The following FIBCD1 variants were observed in gnomAD, a reference collection of about 807,000 sequenced individuals.
The protein encoded by FIBCD1 is fibrinogen C domain containing 1, also known as fibrinogen C domain-containing protein 1.
In FIBCD1, 47 loss-of-function variants were observed where a neutral mutation model predicts 45.1. That is an observed-to-expected ratio of 1.04 (90% confidence interval 0.82 to 1.33). The LOEUF is 1.33. Among genes scored for constraint, FIBCD1 ranks in the 40% most tolerant of loss-of-function variants. FIBCD1 has a pLI of 0.00. For missense variants in FIBCD1, 653 were observed against 682.2 expected (o/e 0.96, Z 0.48); for synonymous variants, 313 against 308.1 (o/e 1.02, Z -0.17).
chr9:130,939,543 A>G (rs1832582101), upstream of FIBCD1, among the ~76,000 whole-genome samples: 1 of 151,640 alleles, frequency 6.6e-6, no homozygotes, highest in Non-Finnish European at 1.5e-5. Flanking sequence ...GCGGTCGGAA[A>G]GCCCACACGA....
intron 4 of FIBCD1, among the ~76,000 whole-genome samples, chr9:130,921,241 C>T (rs562619689): frequency 1.3e-5 from 2 of 152,348 alleles, no homozygotes; most frequent in African/African-American, 2.4e-5. Context: ...GTGGCATTGG[C>T]GCTGAAGGCC....
intron 4 of FIBCD1, among the ~76,000 whole-genome samples, chr9:130,915,279 C>T (rs750235282): frequency 9.9e-5 from 15 of 152,246 alleles, no homozygotes; most frequent in Non-Finnish European, 1.6e-4. Context: ...CCCAGGGCTC[C>T]TCCTTGGTGC....
chr9:130,937,621 G>C (rs1008453212), intron 1 of FIBCD1, among the ~76,000 whole-genome samples: 2 of 152,212 alleles, frequency 1.3e-5, no homozygotes, highest in Non-Finnish European at 2.9e-5. Context: ...CTGTCTGGAA[G>C]AAATTTAAAA....
chr9:130,924,524 G>A (rs1212123566), intron 2 of FIBCD1, 128 bp from the exon 3 acceptor site: 13 of 846,924 alleles, frequency 1.5e-5, no homozygotes, highest in South Asian at 3.8e-5. Context: ...TCAAGGCCCC[G>A]CCCTGCCCTG....
At chr9:130,921,055 G>T (rs949352877) in intron 4 of FIBCD1, among the ~76,000 whole-genome samples, 1 of 152,222 alleles carries the variant, frequency 6.6e-6, no homozygotes, top group Non-Finnish European at 1.5e-5. Context: ...GGGCGCTGGC[G>T]TGATGCCGGG....
rs1240390320 is a variant in FIBCD1 at position 130,922,826 on chromosome 9, T to C, written c.849+918A>G. On this transcript the variant is annotated intron_variant, in intron 4 of 6. Coordinates refer to ENST00000372338, the MANE Select transcript of FIBCD1 (RefSeq NM_032843.5). This position sits in a 1 kb window ranked among gnomAD's most constrained non-coding sequence, Gnocchi z 4.5. Reference sequence around the variant, plus strand: ...CCCTCGGGCCCTGCTCCTCAGATGTTCCCTGGTAGCCGCGTTAGGTTGCCC... The same window carrying C: ...CCCTCGGGCCCTGCTCCTCAGATGTCCCCTGGTAGCCGCGTTAGGTTGCCC... Among the ~76,000 whole-genome samples, 1 of 152,104 alleles carries C rather than the reference T, an allele frequency of 6.6e-6. No homozygotes were observed. Among genetic ancestry groups the C allele is most frequent in the African/African-American group, 2.4e-5 (1 of 41,402 alleles).
At chr9:130,907,180 G>A (rs543362371) in intron 5 of FIBCD1, among the ~76,000 whole-genome samples, 3 of 151,836 alleles carry the variant, frequency 2.0e-5, no homozygotes, top group African/African-American at 7.2e-5. Context: ...GGCACCCAAA[G>A]GCCACCATTA....
At chr9:130,911,303 C>T (rs1311613868) in intron 5 of FIBCD1, among the ~76,000 whole-genome samples, 8 of 134,582 alleles carry the variant, frequency 5.9e-5, no homozygotes, top group Admixed American at 3.0e-4. Context: ...CCACGAGGGT[C>T]TGCAGCTTCA....
intron 1 of FIBCD1, among the ~76,000 whole-genome samples, chr9:130,932,489 T>G (rs1832458047): frequency 6.6e-6 from 1 of 152,190 alleles, no homozygotes; most frequent in Non-Finnish European, 1.5e-5. Context: ...CAGACCCAAA[T>G]GCACAGTTCC....
chr9:130,932,334 G>C (rs1431531035), intron 1 of FIBCD1, among the ~76,000 whole-genome samples: 1 of 152,216 alleles, frequency 6.6e-6, no homozygotes, highest in African/African-American at 2.4e-5. Context: ...AAAGAGATCT[G>C]CTTTGTTGTC....
At position 130,903,903 on chromosome 9, in the gene FIBCD1, T is replaced by C; in HGVS notation, c.*161A>G. On this transcript the variant is annotated 3_prime_UTR_variant, in exon 7 of 7. Coordinates refer to ENST00000372338, the MANE Select transcript of FIBCD1 (RefSeq NM_032843.5). ...GACGGCGAGAAGGCGATGTGTGACT[T>C]CACCGGCCCAGGGAGCTTCGTGTCA... 1 of 917,260 alleles carries C rather than the reference T, an allele frequency of 1.1e-6. No individual in the cohort carries two copies. 56.8% of individuals were successfully genotyped at this position (917,260 alleles called of 1,614,324 possible). A position where few individuals can be genotyped will look rare whatever the true frequency, so the allele number is the denominator to read the frequency against.
chr9:130,924,127 G>A (rs917671482), intron 3 of FIBCD1, 110 bp downstream of exon 3: 30 of 1,389,038 alleles, frequency 2.2e-5, no homozygotes, highest in Middle Eastern at 2.6e-4. Context: ...CCACATGGAA[G>A]TAGGGTCGGG....
At chr9:130,910,325 C>T (rs934252141) in intron 5 of FIBCD1, among the ~76,000 whole-genome samples, 2 of 152,230 alleles carry the variant, frequency 1.3e-5, no homozygotes, top group African/African-American at 4.8e-5. Flanking sequence ...CGGCGCTGCA[C>T]TCGATTTCTC....
rs1832281632 is a variant in FIBCD1 at position 130,922,649 on chromosome 9, C to G, written c.849+1095G>C. On this transcript the variant is annotated intron_variant, in intron 4 of 6. Coordinates refer to ENST00000372338, the MANE Select transcript of FIBCD1 (RefSeq NM_032843.5). The surrounding 1 kb of genome is among the most constrained non-coding windows in gnomAD (Gnocchi z 4.5). ...CCTCCCCGTCCCTCTCCCCACTGCC[C>G]AAGGATGCACACCGCCAAGTCACCT... 6.6e-6 allele frequency among the ~76,000 whole-genome samples: 1 copy of G among 152,060 alleles called. No homozygotes were observed. Among genetic ancestry groups the G allele is most frequent in the Admixed American group, 6.6e-5 (1 of 15,250 alleles).
rs192813206 is a variant in FIBCD1 at position 130,927,013 on chromosome 9, G to A, written c.552+2554C>T. Among the ~76,000 whole-genome samples, 178 of 152,116 alleles carry A rather than the reference G, an allele frequency of 1.2e-3. 1 individual carries two copies. Among genetic ancestry groups the A allele is most frequent in the Admixed American group, 1.9e-3 (29 of 15,274 alleles). ...AGCACGTGGGGAGGCCGAGGTGGGT[G>A]GATTGCTTGAGGCCAGGAGTTTGAG... On this transcript the variant is annotated intron_variant, in intron 2 of 6. Transcript: ENST00000372338.
At chr9:130,919,996 C>T (rs1588109021) in intron 4 of FIBCD1, among the ~76,000 whole-genome samples, 3 of 152,286 alleles carry the variant, frequency 2.0e-5, no homozygotes, top group African/African-American at 7.2e-5. Context: ...GGGCGGGGAG[C>T]CCAGGCACTG....
intron 1 of FIBCD1, chr9:130,938,285 G>A (rs1832551442): frequency 2.5e-6 from 1 of 407,388 alleles, no homozygotes; most frequent in East Asian, 4.1e-5. Flanking sequence ...GGCTGCTGGG[G>A]GTGCGGGGAC....
chr9:130,907,683 A>T (rs1831956815), intron 5 of FIBCD1, among the ~76,000 whole-genome samples: 1 of 152,148 alleles, frequency 6.6e-6, no homozygotes, highest in South Asian at 2.1e-4. Context: ...GCAGATCACG[A>T]GGTCAGGAGT....
chr9:130,912,026 C>A, intron 4 of FIBCD1, 138 bp from the exon 5 acceptor site: 1 of 709,020 alleles, frequency 1.4e-6, no homozygotes, highest in Non-Finnish European at 2.4e-6. Context: ...CCTGGTTGCC[C>A]ACTTCCCGCA....
Sources: gnomAD v4.1 joint callset for allele counts (sites outside exome capture counted in the v4.1 genomes callset) on GRCh38, gnomAD v4.1.1 for gene constraint, Gnocchi (gnomAD v3.1) non-coding constraint, MANE v1.5 for transcripts, NCBI Gene and HGNC (gene_info 2026-07-23, HGNC 2026-07-21) for gene names.